The following PARD3B variants were observed in gnomAD, a reference collection of about 807,000 sequenced individuals.
PARD3B encodes par-3 family cell polarity regulator beta, also known as partitioning defective 3 homolog B.
A neutral mutation model predicts 130.2 loss-of-function variants in PARD3B; 103 were observed. The observed-to-expected ratio is 0.79, with a 90% confidence interval of 0.67 to 0.93. The LOEUF (loss-of-function observed/expected upper bound fraction) is 0.93, where lower values mean the gene tolerates loss of function less well. PARD3B is among the 40% of genes least tolerant of loss of function. The pLI is 0.00. For synonymous variants in PARD3B, 583 were observed against 553.2 expected (o/e 1.05, Z -0.76); for missense variants, 1,609 against 1,499.2 (o/e 1.07, Z -1.21).
At chr2:204,583,150 A>G (rs555159740) in intron 1 of PARD3B, among the ~76,000 whole-genome samples, 1 of 138,220 alleles carries the variant, frequency 7.2e-6, no homozygotes, top group Non-Finnish European at 1.5e-5. Context: ...ACTATAAATC[A>G]TGCTGCTATA....
chr2:205,157,015 T>A (rs901551575), intron 10 of PARD3B, among the ~76,000 whole-genome samples: 2 of 152,212 alleles, frequency 1.3e-5, no homozygotes, highest in Non-Finnish European at 2.9e-5. Flanking sequence ...AAAGCAAAAT[T>A]AGTTCTTGTC....
Position 205,458,824 on chromosome 2 carries a change from C to A in PARD3B, c.3044+18152C>A, listed in dbSNP as rs138013001. 1.6e-4 allele frequency among the ~76,000 whole-genome samples: 25 copies of A among 152,226 alleles called. 2 individuals are homozygous for A. In the East Asian group the frequency reaches 4.4e-3, roughly 27 times the overall value. On this transcript the variant is annotated intron_variant, in intron 20 of 22. Transcript: ENST00000406610. The surrounding 1 kb of genome is among the most constrained non-coding windows in gnomAD (Gnocchi z 4.8). ...CTGTAGAAATCTCAGGCTGATGATA[C>A]CTTTCTTCAGAGAAGATGTATTTAA...
intron 2 of PARD3B, among the ~76,000 whole-genome samples, chr2:204,915,858 T>C (rs1228872725): frequency 2.0e-5 from 3 of 152,210 alleles, no homozygotes; most frequent in African/African-American, 7.2e-5. Flanking sequence ...CGTAATTGCT[T>C]GTCTCAAAGC....
chr2:204,694,467 G>A (rs925398241), intron 2 of PARD3B, among the ~76,000 whole-genome samples: 14 of 151,978 alleles, frequency 9.2e-5, no homozygotes, highest in African/African-American at 2.9e-4. Flanking sequence ...TTAGCCCATA[G>A]ACTTCTTACC....
chr2:204,916,271 A>T (rs1205405391), intron 2 of PARD3B, among the ~76,000 whole-genome samples: 1 of 152,196 alleles, frequency 6.6e-6, no homozygotes, highest in Non-Finnish European at 1.5e-5. Context: ...ACATTATTTC[A>T]CTGACTGGGC....
intron 2 of PARD3B, among the ~76,000 whole-genome samples, chr2:204,934,738 G>A (rs1355343): frequency 0.51 from 78,168 of 151,862 alleles, 21,535 homozygotes; most frequent in African/African-American, 0.59. Flanking sequence ...TCCACATCCC[G>A]TTCTTCTGAA....
chr2:204,941,413 A>G (rs187486269), intron 2 of PARD3B, among the ~76,000 whole-genome samples: 3 of 152,336 alleles, frequency 2.0e-5, no homozygotes, highest in Admixed American at 6.5e-5. Flanking sequence ...AAGGATGGCA[A>G]TTAATGCCCT....
chr2:204,891,011 AAGC>A (rs1339139335), intron 2 of PARD3B, among the ~76,000 whole-genome samples: 3 of 152,116 alleles, frequency 2.0e-5, no homozygotes, highest in African/African-American at 7.2e-5. Flanking sequence ...CTTCCATGTT[AAGC>A]AGCAGCAGTA....
intron 2 of PARD3B, among the ~76,000 whole-genome samples, chr2:204,761,726 G>A (rs913569499): frequency 6.6e-6 from 1 of 152,000 alleles, no homozygotes; most frequent in Non-Finnish European, 1.5e-5. Context: ...GTCTTTGAAT[G>A]TTCATCTGGA....
chr2:205,580,952 T>C (rs577456533), intron 22 of PARD3B, among the ~76,000 whole-genome samples: 1 of 152,324 alleles, frequency 6.6e-6, no homozygotes, highest in South Asian at 2.1e-4. Context: ...AAAGTAAGTT[T>C]TGACTGCAAT....
chr2:204,916,735 G>T (rs916033867), intron 2 of PARD3B, among the ~76,000 whole-genome samples: 11 of 152,200 alleles, frequency 7.2e-5, no homozygotes, highest in African/African-American at 2.6e-4. Context: ...TAATGAGCAA[G>T]AATGCCACAT....
intron 15 of PARD3B, among the ~76,000 whole-genome samples, chr2:205,236,115 A>G (rs2039050616): frequency 6.6e-6 from 1 of 152,246 alleles, no homozygotes; most frequent in African/African-American, 2.4e-5. Flanking sequence ...AAAGATTTTG[A>G]AAGATTCAAA....
chr2:205,401,990 C>G (rs893681514), intron 19 of PARD3B, among the ~76,000 whole-genome samples: 2 of 152,120 alleles, frequency 1.3e-5, no homozygotes, highest in Non-Finnish European at 2.9e-5. Flanking sequence ...AGAGACCATT[C>G]TTGTATTGAT....
chr2:205,027,132 C>A (rs1022857000), intron 3 of PARD3B, among the ~76,000 whole-genome samples: 6 of 152,036 alleles, frequency 3.9e-5, no homozygotes, highest in Non-Finnish European at 7.4e-5. Context: ...TTTTAAGGAA[C>A]CTCCATACTG....
chr2:204,828,619 T>C (rs1399729007), intron 2 of PARD3B, among the ~76,000 whole-genome samples: 1 of 152,208 alleles, frequency 6.6e-6, no homozygotes, highest in East Asian at 1.9e-4. Context: ...CAAGAAGATA[T>C]TTCCATTTAG....
At chr2:205,547,291 C>T (rs1207171265) in intron 21 of PARD3B, among the ~76,000 whole-genome samples, 1 of 152,150 alleles carries the variant, frequency 6.6e-6, no homozygotes, top group Non-Finnish European at 1.5e-5. Flanking sequence ...CTGGCTTTCT[C>T]TCCCCATCAA....
At chr2:204,876,624 G>C (rs2045854323) in intron 2 of PARD3B, among the ~76,000 whole-genome samples, 1 of 152,068 alleles carries the variant, frequency 6.6e-6, no homozygotes, top group Non-Finnish European at 1.5e-5. Context: ...TCTACTCAGG[G>C]AGTTGCTCCA....
intron 18 of PARD3B, among the ~76,000 whole-genome samples, chr2:205,355,348 C>T (rs1489244006): frequency 6.6e-6 from 1 of 152,098 alleles, no homozygotes; most frequent in Non-Finnish European, 1.5e-5. Context: ...AACCATGATG[C>T]ATTTGTTTTA....
chr2:204,962,683 T>C (rs1187892911), intron 2 of PARD3B, among the ~76,000 whole-genome samples: 2 of 152,156 alleles, frequency 1.3e-5, no homozygotes, highest in Non-Finnish European at 2.9e-5. Flanking sequence ...CAACATATGA[T>C]TTAAACCAGT....
Sources: allele counts gnomAD v4.1 joint callset (sites outside exome capture counted in the v4.1 genomes callset), GRCh38; gene constraint gnomAD v4.1.1; non-coding constraint Gnocchi (gnomAD v3.1); transcripts MANE v1.5; gene names NCBI Gene and HGNC (gene_info 2026-07-23, HGNC 2026-07-21).